SF3B3: variants seen among roughly 807,000 people sequenced by gnomAD.
SF3B3 encodes the protein SAP 130.
A neutral mutation model predicts 139.2 loss-of-function variants in SF3B3; 33 were observed. The observed-to-expected ratio is 0.24, with a 90% CI of 0.18 to 0.32. The LOEUF (loss-of-function observed/expected upper bound fraction) is 0.32, where lower values mean the gene tolerates loss of function less well. SF3B3 is among the 10% of genes least tolerant of loss of function. SF3B3 has a pLI of 1.00. For missense variants in SF3B3, 818 were observed against 1,509.4 expected, an observed-to-expected ratio of 0.54 and a Z score of 7.59; for synonymous variants, 596 against 563.6, an observed-to-expected ratio of 1.06 and a Z score of -0.81.
At chr16:70,526,562 A>G (rs2050066722) in intron 1 of SF3B3, 25 bp from the exon 2 acceptor site, 8 of 811,114 alleles carry the variant, frequency 9.9e-6, no homozygotes, top group Non-Finnish European at 1.6e-5. Flanking sequence ...TCTCCCAGCT[A>G]TTTTTCTGTT....
intron 15 of SF3B3, among the ~76,000 whole-genome samples, chr16:70,559,864 A>G (rs1430376383): frequency 4.0e-5 from 6 of 151,440 alleles, no homozygotes; most frequent in African/African-American, 1.5e-4. Flanking sequence ...TGGCTTCCAC[A>G]GTGCTGTGAT....
intron 18 of SF3B3, among the ~76,000 whole-genome samples, chr16:70,564,496 G>A (rs2050457492): frequency 6.6e-6 from 1 of 152,164 alleles, no homozygotes; most frequent in African/African-American, 2.4e-5. Context: ...TGTAACCCAG[G>A]ACTATACTCT....
At chr16:70,562,105 T>C (rs984188438) in intron 17 of SF3B3, among the ~76,000 whole-genome samples, 1 of 152,230 alleles carries the variant, frequency 6.6e-6, no homozygotes, top group Non-Finnish European at 1.5e-5. Context: ...GATCACTGCA[T>C]TGATAACCTT....
intron 17 of SF3B3, 119 bp downstream of exon 17, chr16:70,561,903 A>G: frequency 1.2e-6 from 1 of 816,062 alleles, no homozygotes; most frequent in Non-Finnish European, 1.9e-6. Context: ...CTTCACCATG[A>G]AGCTTGTGTG....
intron 2 of SF3B3, 56 bp downstream of exon 2, chr16:70,526,782 C>G: frequency 8.4e-7 from 1 of 1,186,302 alleles, no homozygotes; most frequent in Non-Finnish European, 1.3e-6. Context: ...ACATATCTTG[C>G]TTAGTCTCTT....
intron 11 of SF3B3, among the ~76,000 whole-genome samples, chr16:70,553,365 A>G (rs753445928): frequency 3.9e-5 from 6 of 152,204 alleles, no homozygotes; most frequent in Non-Finnish European, 7.3e-5. Flanking sequence ...TGGGTGGACC[A>G]GCCCTGTGGC....
Position 70,571,666 on chromosome 16 carries a change from A to G in SF3B3, c.3514-7A>G. 6.2e-7 allele frequency: 1 copy of G among 1,605,602 alleles called. No individual in the cohort carries two copies. Among genetic ancestry groups the G allele is most frequent in the Non-Finnish European group, 8.5e-7 (1 of 1,177,250 alleles). On this transcript the variant is annotated splice_region_variant and splice_polypyrimidine_tract_variant and intron_variant, in intron 25 of 25. Coordinates refer to ENST00000302516, the MANE Select transcript of SF3B3 (RefSeq NM_012426.5). ...TTTTTTTTCTTTCTGCTTTCTCCAT[A>G]TCTTAGAATGTGATTGATGGAGACC... is the stretch of plus-strand genomic sequence containing the variant.
chr16:70,530,986 G>A (rs920315735), intron 4 of SF3B3, 69 bp downstream of exon 4: 30 of 1,440,820 alleles, frequency 2.1e-5, no homozygotes, highest in East Asian at 4.6e-5. Context: ...ATTGTTTTCC[G>A]GCCGGGCGTG....
At position 70,544,498 on chromosome 16, in the gene SF3B3, C is replaced by T. The variant is rs750809956; in HGVS notation, c.1294C>T (p.Arg432Ter). ...GTATGTGGCCTGTGGTAGGGGACCC[C>T]GATCATCTCTGAGAGTCCTAAGACA... Reference protein sequence around the residue: ...QLYVACGRGPRSSLRVLRHGL... With the variant: ...QLYVACGRGP Residue 432 changes from arginine (R) to a stop codon, truncating the protein, a stop_gained, in exon 10 of 26, where the codon CGA (arginine) becomes TGA (stop). Transcript: ENST00000302516. LOFTEE classifies it high-confidence loss of function. 2 of 1,611,714 alleles carry T rather than the reference C, an allele frequency of 1.2e-6. No homozygotes were observed.
Position 70,572,020 on chromosome 16 carries a change from C to T in SF3B3, c.*207C>T, listed in dbSNP as rs769829547. Reference sequence around the variant, plus strand: ...GGCACTGAGATTTGCTACACTTCTCCCCACCTGGTACATGATACATGACCC... The same window carrying T: ...GGCACTGAGATTTGCTACACTTCTCTCCACCTGGTACATGATACATGACCC... On this transcript the variant is annotated 3_prime_UTR_variant, in exon 26 of 26. Coordinates refer to ENST00000302516, the MANE Select transcript of SF3B3 (RefSeq NM_012426.5). 20 of 687,112 alleles carry T rather than the reference C, an allele frequency of 2.9e-5. No homozygotes were observed. Among genetic ancestry groups the T allele is most frequent in the Non-Finnish European group, 4.9e-5 (19 of 387,724 alleles). 42.6% of individuals were successfully genotyped at this position (687,112 alleles called of 1,614,324 possible).
chr16:70,527,466 C>T (rs997401263), intron 2 of SF3B3, among the ~76,000 whole-genome samples: 3 of 152,156 alleles, frequency 2.0e-5, no homozygotes, highest in African/African-American at 7.2e-5. Context: ...ACTCTGAATA[C>T]TTAATGTGGT....
rs1233490791 is a variant in SF3B3 at position 70,577,601 on chromosome 16, A to G, written c.*5788A>G. 6.6e-6 allele frequency: 1 copy of G among 152,232 alleles called. No homozygotes were observed. The highest frequency in any genetic ancestry group is 6.5e-5 in the Admixed American group (1 of 15,278). 9.4% of individuals were successfully genotyped at this position (152,232 alleles called of 1,614,324 possible). A position where few individuals can be genotyped will look rare whatever the true frequency, so the allele number is the denominator to read the frequency against. On this transcript the variant is annotated 3_prime_UTR_variant, in exon 26 of 26. Transcript: ENST00000302516. ...ATCCAGTTTTGTCGATCCAATTGAG[A>G]AAACATTTCATGAACAACTACTTGT...
rs1427508872 is a variant in SF3B3, at chr16:70,574,158, T to A, written c.*2345T>A. On this transcript the variant is annotated 3_prime_UTR_variant, in exon 26 of 26. Transcript: ENST00000302516. ...ATCAGTCTGGCTTTCAAATTTTTTT[T>A]AATTCCTAAGTTCTGTTTTATTTTT... 2 of 152,178 alleles carry A rather than the reference T, an allele frequency of 1.3e-5. No individual in the cohort carries two copies. Among genetic ancestry groups the A allele is most frequent in the Non-Finnish European group, 2.9e-5 (2 of 68,030 alleles). 9.4% of individuals were successfully genotyped at this position (152,178 alleles called of 1,614,324 possible).
chr16:70,526,628 G>A lies in SF3B3; in HGVS notation c.-29G>A, dbSNP rs755157965. ...ACTGTTGGTGTAACCAAGGCCTGGAGGTCTGGGTGGCTCAGGTTTCCTGCA... is the reference window on the plus strand; with the variant it reads ...ACTGTTGGTGTAACCAAGGCCTGGAAGTCTGGGTGGCTCAGGTTTCCTGCA... On this transcript the variant is annotated 5_prime_UTR_variant, in exon 2 of 26. Transcript: ENST00000302516. 5 of 1,591,248 alleles carry A rather than the reference G, an allele frequency of 3.1e-6. No homozygotes were observed. In the Admixed American group the frequency reaches 8.4e-5, roughly 27 times the overall value.
rs1290614264 is a variant in SF3B3, at chr16:70,538,479, G to T, written c.963+19G>T. The stretch of plus-strand genomic sequence containing the variant: ...AGATATGGTAAGTAGACCATGGATG[G>T]ACCAGTATAGCTACTCTATGAGATG... On this transcript the variant is annotated intron_variant, in intron 7 of 25. Transcript: ENST00000302516. 3.1e-6 allele frequency: 5 copies of T among 1,601,034 alleles called. No individual in the cohort carries two copies. The highest frequency in any genetic ancestry group is 1.7e-4 in the Middle Eastern group (1 of 6,036).
chr16:70,565,562 C>A (rs1306573694), intron 20 of SF3B3, 38 bp downstream of exon 20: 5 of 1,575,638 alleles, frequency 3.2e-6, no homozygotes, highest in Non-Finnish European at 4.3e-6. Context: ...ATTTTAAGTC[C>A]CATTGAATTC....
chr16:70,570,332 G>GGTT (rs1555501220), intron 24 of SF3B3, among the ~76,000 whole-genome samples, 183 bp downstream of exon 24: 1 of 106,868 alleles, frequency 9.4e-6, no homozygotes, highest in Non-Finnish European at 2.0e-5. Context: ...AAGGCCATTT[G>GGTT]GTTTTTTTTT....
At chr16:70,544,270 C>A (rs909303003) in intron 9 of SF3B3, among the ~76,000 whole-genome samples, 168 bp from the exon 10 acceptor site, 2 of 152,190 alleles carry the variant, frequency 1.3e-5, no homozygotes, top group African/African-American at 4.8e-5. Flanking sequence ...TTCATTTGAA[C>A]TGTCCAGTTT....
intron 11 of SF3B3, chr16:70,550,062 T>C (rs2050307463): frequency 6.6e-6 from 1 of 152,168 alleles, no homozygotes; most frequent in Non-Finnish European, 1.5e-5. Flanking sequence ...GGCTTCTGAA[T>C]CTCAGTTGAA....
Sources: gnomAD v4.1 joint callset for allele counts (sites outside exome capture counted in the v4.1 genomes callset) on GRCh38, gnomAD v4.1.1 for gene constraint, MANE v1.5 for transcripts, NCBI Gene and HGNC (gene_info 2026-07-23, HGNC 2026-07-21) for gene names.